ASTN2: variants seen among roughly 807,000 people sequenced by gnomAD.
ASTN2 encodes the protein astrotactin-2.
A neutral mutation model predicts 139.8 loss-of-function variants in ASTN2; 54 were observed. That is an observed-to-expected ratio of 0.39 (90% confidence interval 0.31 to 0.48). ASTN2 has a LOEUF of 0.48. Ranked by LOEUF, ASTN2 falls within the 20% of genes least tolerant of loss-of-function variation. The pLI is 0.95. For synonymous variants in ASTN2, 756 were observed against 719.5 expected (o/e 1.05, Z -0.81); for missense variants, 1,565 against 1,725.1 (o/e 0.91, Z 1.64).
At chr9:117,196,255 G>A (rs1320561482) in intron 3 of ASTN2, among the ~76,000 whole-genome samples, 1 of 152,138 alleles carries the variant, frequency 6.6e-6, no homozygotes, top group Non-Finnish European at 1.5e-5. Flanking sequence ...GGGTTATTGT[G>A]AGGTATAAAT....
chr9:116,445,716 C>T (rs1484349640), intron 20 of ASTN2, among the ~76,000 whole-genome samples: 2 of 152,212 alleles, frequency 1.3e-5, no homozygotes, highest in African/African-American at 4.8e-5. Context: ...GCCTCAGTCT[C>T]CTCACCTGTA....
At chr9:117,308,907 G>A (rs779313439) in intron 1 of ASTN2, among the ~76,000 whole-genome samples, 11 of 152,286 alleles carry the variant, frequency 7.2e-5, no homozygotes, top group Middle Eastern at 6.8e-3. Flanking sequence ...GTTGCATATG[G>A]CATGTGAAAA....
chr9:116,427,151 A>G (rs1475729857), intron 22 of ASTN2, among the ~76,000 whole-genome samples: 3 of 152,082 alleles, frequency 2.0e-5, no homozygotes, highest in African/African-American at 4.8e-5. Flanking sequence ...TCTGGGCTGT[A>G]TATTTTTTTG....
At chr9:116,692,864 G>C (rs937855971) in intron 16 of ASTN2, among the ~76,000 whole-genome samples, 2 of 152,112 alleles carry the variant, frequency 1.3e-5, no homozygotes, top group Non-Finnish European at 2.9e-5. Context: ...TAAGGAGATT[G>C]CTACGAATTC....
intron 13 of ASTN2, among the ~76,000 whole-genome samples, chr9:116,790,978 A>AGAAAAGAAAGAAG (rs1830524792): frequency 1.2e-3 from 78 of 65,938 alleles, no homozygotes; most frequent in Non-Finnish European, 1.5e-3. Flanking sequence ...AAAGAAAGAA[A>AGAAAAGAAAGAAG]GAAAGAAAGA....
intron 7 of ASTN2, among the ~76,000 whole-genome samples, chr9:117,000,248 G>T (rs1046082732): frequency 7.9e-5 from 12 of 152,090 alleles, no homozygotes; most frequent in Non-Finnish European, 1.8e-4. Context: ...TAAAAAATAA[G>T]GCTTGAATAT....
chr9:116,744,019 T>A (rs1829168214), intron 13 of ASTN2, among the ~76,000 whole-genome samples: 1 of 152,022 alleles, frequency 6.6e-6, no homozygotes, highest in African/African-American at 2.4e-5. Context: ...GAAAACTTAA[T>A]GTAGACTGAG....
At chr9:117,395,248 A>G (rs1329699842) in intron 1 of ASTN2, among the ~76,000 whole-genome samples, 2 of 152,072 alleles carry the variant, frequency 1.3e-5, no homozygotes, top group Non-Finnish European at 2.9e-5. Flanking sequence ...TGCCGCCCCC[A>G]CTGTGTCCCC....
At chr9:117,035,288 T>A (rs990554791) in intron 6 of ASTN2, among the ~76,000 whole-genome samples, 1 of 152,108 alleles carries the variant, frequency 6.6e-6, no homozygotes, top group Non-Finnish European at 1.5e-5. Flanking sequence ...ACTTTGCCAG[T>A]TTTAAGGGGC....
intron 4 of ASTN2, among the ~76,000 whole-genome samples, chr9:117,140,836 C>G (rs112394999): frequency 0.032 from 4,873 of 152,224 alleles, 264 homozygotes; most frequent in African/African-American, 0.11. Context: ...CCCTGAGTGA[C>G]ATAGCTAGGT....
At chr9:116,592,975 A>C (rs1166538106) in intron 19 of ASTN2, among the ~76,000 whole-genome samples, 1 of 152,246 alleles carries the variant, frequency 6.6e-6, no homozygotes, top group African/African-American at 2.4e-5. Flanking sequence ...TTTTTCAGGC[A>C]ATGATTAACA....
At chr9:116,965,907 C>A (rs192027990) in intron 10 of ASTN2, among the ~76,000 whole-genome samples, 1 of 152,168 alleles carries the variant, frequency 6.6e-6, no homozygotes, top group East Asian at 1.9e-4. Flanking sequence ...TCAGCTTCCT[C>A]ATCTGTGAAA....
intron 10 of ASTN2, among the ~76,000 whole-genome samples, chr9:116,874,187 A>G (rs1414920842): frequency 6.6e-6 from 1 of 152,256 alleles, no homozygotes; most frequent in East Asian, 1.9e-4. Context: ...CTCTTTAAGA[A>G]GTCTTTCCAC....
intron 19 of ASTN2, among the ~76,000 whole-genome samples, chr9:116,534,354 T>A (rs1421445063): frequency 6.6e-6 from 1 of 152,236 alleles, no homozygotes; most frequent in Admixed American, 6.5e-5. Context: ...TTTGTGTCTC[T>A]ATTTCCTTCA....
At chr9:117,329,905 C>G (rs1828646562) in intron 1 of ASTN2, among the ~76,000 whole-genome samples, 1 of 152,210 alleles carries the variant, frequency 6.6e-6, no homozygotes, top group Non-Finnish European at 1.5e-5. Flanking sequence ...TTCTCATGCA[C>G]TCTCCCTTTT....
chr9:116,854,651 CTTTTTT>C (rs764856702), intron 11 of ASTN2, among the ~76,000 whole-genome samples: 1 of 121,908 alleles, frequency 8.2e-6, no homozygotes, highest in Middle Eastern at 3.9e-3. Flanking sequence ...TTCCTTCTCT[CTTTTTT>C]TTTTTTTTTT....
chr9:116,600,669 C>A (rs1328887889), intron 19 of ASTN2, among the ~76,000 whole-genome samples: 2 of 152,120 alleles, frequency 1.3e-5, no homozygotes, highest in African/African-American at 4.8e-5. Flanking sequence ...CTTCATAGAG[C>A]AGCCAGGGTG....
At chr9:116,690,963 A>G (rs1254305138) in intron 16 of ASTN2, among the ~76,000 whole-genome samples, 2 of 152,186 alleles carry the variant, frequency 1.3e-5, no homozygotes, top group African/African-American at 4.8e-5. Context: ...TGTGTCACCC[A>G]GGCTGGAGTG....
At chr9:116,565,380 TCTCTCTCC>T (rs1183085639) in intron 19 of ASTN2, among the ~76,000 whole-genome samples, 37 of 29,652 alleles carry the variant, frequency 1.2e-3, no homozygotes, top group East Asian at 4.7e-3. Context: ...TCTCTCTCTC[TCTCTCTCC>T]ATATATATAT....
Sources: allele counts gnomAD v4.1 joint callset (sites outside exome capture counted in the v4.1 genomes callset), GRCh38; gene constraint gnomAD v4.1.1; transcripts MANE v1.5; gene names NCBI Gene and HGNC (gene_info 2026-07-23, HGNC 2026-07-21).